Variants in TMCO4 observed in about 807,000 individuals in gnomAD.
The protein encoded by TMCO4 is transmembrane and coiled-coil domain-containing protein 4.
In TMCO4, 58 loss-of-function variants were observed where a neutral mutation model predicts 64.7. The observed-to-expected ratio is 0.90, with a 90% CI of 0.73 to 1.12. The LOEUF (loss-of-function observed/expected upper bound fraction) is 1.12. TMCO4 is among the 50% of genes most tolerant of loss of function. TMCO4 has a pLI of 0.00. For synonymous variants in TMCO4, 325 were observed against 346.1 expected, an observed-to-expected ratio of 0.94 and a Z score of 0.68; for missense variants, 780 against 825.9, an observed-to-expected ratio of 0.94 and a Z score of 0.68.
chr1:19,692,576 A>C lies in TMCO4; in HGVS notation c.1500+1858T>G, dbSNP rs1201106677. Among the ~76,000 whole-genome samples, 8 of 98,684 alleles carry C rather than the reference A, an allele frequency of 8.1e-5. No individual in the cohort carries two copies. In the South Asian group the frequency reaches 2.3e-3, roughly 29 times the overall value. 64.7% of individuals were successfully genotyped at this position (98,684 alleles called of 152,430 possible). A position where few individuals can be genotyped will look rare whatever the true frequency, so the allele number is the denominator to read the frequency against. On this transcript the variant is annotated intron_variant, in intron 15 of 15. Transcript: ENST00000294543. Reference sequence around the variant, plus strand: ...GAAACCATATCTCTATTAAAAATACAAAAAAAAAAAAAAAAAAAGAATTAG... The same window carrying C: ...GAAACCATATCTCTATTAAAAATACCAAAAAAAAAAAAAAAAAAGAATTAG...
At chr1:19,719,973 CAG>C (rs2095374196) in intron 13 of TMCO4, among the ~76,000 whole-genome samples, 1 of 150,866 alleles carries the variant, frequency 6.6e-6, no homozygotes, top group South Asian at 2.1e-4. Flanking sequence ...GCCTGGACGA[CAG>C]AGAGAGATTC....
chr1:19,782,753 T>A (rs1269689556), intron 3 of TMCO4, among the ~76,000 whole-genome samples: 1 of 151,832 alleles, frequency 6.6e-6, no homozygotes, highest in Non-Finnish European at 1.5e-5. Flanking sequence ...CCAGGAAGGG[T>A]ACAGGGAAGG....
chr1:19,716,553 T>TG (rs533719453), intron 13 of TMCO4, among the ~76,000 whole-genome samples: 8 of 151,884 alleles, frequency 5.3e-5, no homozygotes, highest in Non-Finnish European at 1.0e-4. Flanking sequence ...TGTTTTGTTT[T>TG]TTTTAATTAA....
At chr1:19,693,296 A>C (rs530513814) in intron 15 of TMCO4, among the ~76,000 whole-genome samples, 1 of 151,966 alleles carries the variant, frequency 6.6e-6, no homozygotes, top group African/African-American at 2.4e-5. Context: ...CAGCCTGAGT[A>C]ATATGGTGAA....
chr1:19,749,177 C>T (rs2041920811), intron 7 of TMCO4, among the ~76,000 whole-genome samples: 1 of 152,198 alleles, frequency 6.6e-6, no homozygotes, highest in Admixed American at 6.6e-5. Flanking sequence ...AGGATTCAAA[C>T]TCTGTGGATG....
chr1:19,737,233 A>C (rs752024847), intron 13 of TMCO4, 139 bp downstream of exon 13: 1 of 845,002 alleles, frequency 1.2e-6, no homozygotes, highest in Non-Finnish European at 1.8e-6. Context: ...CTTGATTTTT[A>C]AACTATTTTT....
At chr1:19,784,869 AT>A in intron 3 of TMCO4, among the ~76,000 whole-genome samples, 1 of 150,394 alleles carries the variant, frequency 6.6e-6, no homozygotes, top group South Asian at 2.1e-4. Context: ...AAAAAAAAAA[AT>A]TTCGCAAGAC....
intron 13 of TMCO4, among the ~76,000 whole-genome samples, chr1:19,721,921 C>G (rs898842905): frequency 6.6e-6 from 1 of 152,198 alleles, no homozygotes; most frequent in African/African-American, 2.4e-5. Flanking sequence ...GAGGGGCCAG[C>G]GGCCTCCCTG....
chr1:19,745,424 A>T, intron 10 of TMCO4, 108 bp downstream of exon 10: 1 of 1,523,874 alleles, frequency 6.6e-7, no homozygotes, highest in Non-Finnish European at 8.9e-7. Flanking sequence ...CCTCTGCGAA[A>T]TGGGGCTCCC....
intron 2 of TMCO4, among the ~76,000 whole-genome samples, chr1:19,797,122 C>T (rs1449477058): frequency 1.3e-5 from 2 of 152,016 alleles, no homozygotes; most frequent in Non-Finnish European, 2.9e-5. Context: ...AAGTGAGGTC[C>T]CCAATATGCT....
chr1:19,758,549 C>T (rs576616285), intron 6 of TMCO4, among the ~76,000 whole-genome samples: 14 of 152,244 alleles, frequency 9.2e-5, no homozygotes, highest in South Asian at 2.1e-4. Flanking sequence ...ATCTCAGGCA[C>T]GGGGCTTTTG....
chr1:19,753,344 G>A (rs2042104189), intron 7 of TMCO4, among the ~76,000 whole-genome samples: 1 of 152,158 alleles, frequency 6.6e-6, no homozygotes, highest in Non-Finnish European at 1.5e-5. Context: ...CCCAGCTTTT[G>A]ATATGTGTTA....
In TMCO4 at chr1:19,683,758, C is replaced by CTTT. The variant is rs531431284; in HGVS notation, c.1501-317_1501-315dup. ...AGAAGCTCTCGTTCTTTGTCTGAAG[C>CTTT]TTTTTTTTTTTTTTTTTTTTTTTTT... is the stretch of plus-strand genomic sequence containing the variant. On this transcript the variant is annotated intron_variant, in intron 15 of 15. Transcript: ENST00000294543. 8.6e-3 allele frequency among the ~76,000 whole-genome samples: 682 copies of CTTT among 79,054 alleles called. 88 individuals carry two copies. The highest frequency in any genetic ancestry group is 0.014 in the East Asian group (36 of 2,502). The allele number at this position is 79,054 out of a possible 152,430, so 51.9% of individuals were successfully genotyped here.
At chr1:19,753,436 G>A (rs2042107340) in intron 7 of TMCO4, among the ~76,000 whole-genome samples, 1 of 152,220 alleles carries the variant, frequency 6.6e-6, no homozygotes. Flanking sequence ...ACAGAGAGGA[G>A]AGGTGAAGTC....
At position 19,743,660 on chromosome 1, in the gene TMCO4, G is replaced by C. The variant is rs2041633781; in HGVS notation, c.877+1872C>G. Among the ~76,000 whole-genome samples, 2 of 152,172 alleles carry C rather than the reference G, an allele frequency of 1.3e-5. No individual in the cohort carries two copies. The highest frequency in any genetic ancestry group is 4.8e-5 in the African/African-American group (2 of 41,432). On this transcript the variant is annotated intron_variant, in intron 10 of 15. Transcript: ENST00000294543. This position sits in a 1 kb window ranked among gnomAD's most constrained non-coding sequence, Gnocchi z 4.1. ...AACAAGTGGGGGCAAAATGAAGAAA[G>C]GAGTTTGCTTTCCATGCCGGCCAGA...
At chr1:19,794,362 C>A (rs2044201498) in intron 2 of TMCO4, among the ~76,000 whole-genome samples, 1 of 152,240 alleles carries the variant, frequency 6.6e-6, no homozygotes, top group South Asian at 2.1e-4. Flanking sequence ...GATCGCTTAT[C>A]TTCGATCTCC....
At chr1:19,718,649 T>TGAAAAAAAAAA (rs1389290301) in intron 13 of TMCO4, among the ~76,000 whole-genome samples, 1 of 6,810 alleles carries the variant, frequency 1.5e-4, no homozygotes. Flanking sequence ...AGACCGTCTC[T>TGAAAAAAAAAA]CAAAAAAAAA....
At chr1:19,735,698 T>C (rs924458309) in intron 13 of TMCO4, among the ~76,000 whole-genome samples, 1 of 152,198 alleles carries the variant, frequency 6.6e-6, no homozygotes, top group African/African-American at 2.4e-5. Context: ...GGCAGGGGAA[T>C]TAAAGTCTTG....
At chr1:19,763,403 T>C (rs536417340) in intron 6 of TMCO4, among the ~76,000 whole-genome samples, 24 of 152,318 alleles carry the variant, frequency 1.6e-4, no homozygotes, top group Admixed American at 1.4e-3. Flanking sequence ...ATCTGGCTTT[T>C]GTTGAGGGAC....
Sources: gnomAD v4.1 joint callset for allele counts (sites outside exome capture counted in the v4.1 genomes callset) on GRCh38, gnomAD v4.1.1 for gene constraint, Gnocchi (gnomAD v3.1) non-coding constraint, MANE v1.5 for transcripts, NCBI Gene and HGNC (gene_info 2026-07-23, HGNC 2026-07-21) for gene names.